The following PHACTR1 variants were observed in gnomAD, a reference collection of about 807,000 sequenced individuals.
PHACTR1 encodes the protein phosphatase and actin regulator 1.
In PHACTR1, 16 loss-of-function variants were observed where a neutral mutation model predicts 69.2. That is an observed-to-expected ratio of 0.23 (90% CI 0.16 to 0.35). PHACTR1 has a LOEUF of 0.35. Ranked by LOEUF, PHACTR1 falls within the 10% of genes least tolerant of loss-of-function variation. The pLI is 1.00. For synonymous variants in PHACTR1, 312 were observed against 284.5 expected (o/e 1.10, Z -0.97); for missense variants, 510 against 734.7 (o/e 0.69, Z 3.54).
At chr6:12,726,111 C>T (rs1291250579) in intron 3 of PHACTR1, among the ~76,000 whole-genome samples, 2 of 152,140 alleles carry the variant, frequency 1.3e-5, no homozygotes, top group African/African-American at 2.4e-5. Flanking sequence ...GTCATCAACT[C>T]TGCTGTATCT....
chr6:12,813,283 G>A (rs1353692859), intron 4 of PHACTR1, among the ~76,000 whole-genome samples: 2 of 152,210 alleles, frequency 1.3e-5, no homozygotes, highest in African/African-American at 4.8e-5. Flanking sequence ...CAAGTTCTGA[G>A]AGCCCTTTTA....
rs533929721 is a variant in PHACTR1 at position 13,275,198 on chromosome 6, C to T, written c.1447+2283C>T. The T allele has an allele frequency of 9.8e-5, 15 of 152,728 alleles. No individual in the cohort carries two copies. The highest frequency in any genetic ancestry group is 3.4e-4 in the African/African-American group (14 of 41,556). 9.5% of individuals were successfully genotyped at this position (152,728 alleles called of 1,614,324 possible). A position where few individuals can be genotyped will look rare whatever the true frequency, so the allele number is the denominator to read the frequency against. ...TGAGAGCCTTGGGTTGGTTTCCAGC[C>T]CCACCCTGCCTGGTCCTGGGAGCAG... On this transcript the variant is annotated intron_variant, in intron 11 of 14. Transcript: ENST00000332995. The surrounding 1 kb of genome is among the most constrained non-coding windows in gnomAD (Gnocchi z 4.0).
intron 4 of PHACTR1, among the ~76,000 whole-genome samples, chr6:12,976,231 G>A (rs866026711): frequency 3.9e-5 from 6 of 152,186 alleles, no homozygotes; most frequent in Admixed American, 1.3e-4. Flanking sequence ...GAGGTGGTGC[G>A]TGAGCAGCAT....
intron 10 of PHACTR1, among the ~76,000 whole-genome samples, chr6:13,238,595 A>G (rs1200968244): frequency 6.6e-6 from 1 of 152,186 alleles, no homozygotes; most frequent in Non-Finnish European, 1.5e-5. Flanking sequence ...ATTGAAATCC[A>G]TTTTTTATGC....
intron 4 of PHACTR1, among the ~76,000 whole-genome samples, chr6:12,874,076 T>G (rs1782315191): frequency 6.6e-6 from 1 of 152,240 alleles, no homozygotes. Context: ...AACTTTAATG[T>G]GCATACAAAT....
intron 3 of PHACTR1, among the ~76,000 whole-genome samples, chr6:12,720,248 C>G (rs139762148): frequency 6.6e-5 from 10 of 152,294 alleles, no homozygotes; most frequent in African/African-American, 2.2e-4. Context: ...TTGGTCCATT[C>G]GACTGGAATG....
At chr6:12,924,598 C>A (rs1257495949) in intron 4 of PHACTR1, among the ~76,000 whole-genome samples, 1 of 151,920 alleles carries the variant, frequency 6.6e-6, no homozygotes, top group African/African-American at 2.4e-5. Context: ...CATGGTGAAA[C>A]CTTGTCTCTA....
chr6:12,982,418 C>A (rs1193504316), intron 4 of PHACTR1, among the ~76,000 whole-genome samples: 1 of 152,230 alleles, frequency 6.6e-6, no homozygotes, highest in Non-Finnish European at 1.5e-5. Context: ...TGGTGGCTCA[C>A]GCCTGTAATC....
At chr6:12,940,823 G>A (rs936872594) in intron 4 of PHACTR1, among the ~76,000 whole-genome samples, 1 of 152,194 alleles carries the variant, frequency 6.6e-6, no homozygotes, top group Non-Finnish European at 1.5e-5. Context: ...CCCTTAATAT[G>A]TATCATTTGG....
intron 4 of PHACTR1, among the ~76,000 whole-genome samples, chr6:12,884,540 G>A (rs894034745): frequency 2.0e-5 from 3 of 151,768 alleles, no homozygotes; most frequent in African/African-American, 7.3e-5. Context: ...AGCTGGGACC[G>A]CAGGCGCCTG....
intron 5 of PHACTR1, among the ~76,000 whole-genome samples, chr6:13,126,648 G>A (rs997091484): frequency 2.0e-5 from 3 of 152,242 alleles, no homozygotes; most frequent in Non-Finnish European, 4.4e-5. Flanking sequence ...TATCCACCAT[G>A]TGTTAAGTGC....
intron 5 of PHACTR1, among the ~76,000 whole-genome samples, chr6:13,103,158 T>G (rs1213561483): frequency 6.6e-6 from 1 of 152,208 alleles, no homozygotes; most frequent in East Asian, 1.9e-4. Flanking sequence ...CAAAATGAAT[T>G]ACTTCGTCCT....
intron 4 of PHACTR1, among the ~76,000 whole-genome samples, chr6:12,756,365 C>A (rs1767321380): frequency 6.6e-6 from 1 of 152,034 alleles, no homozygotes; most frequent in Non-Finnish European, 1.5e-5. Context: ...CTTTCCTTAC[C>A]CACTTTGGTA....
intron 4 of PHACTR1, among the ~76,000 whole-genome samples, chr6:12,822,439 C>T (rs1776328026): frequency 6.6e-6 from 1 of 152,208 alleles, no homozygotes. Context: ...AGGGCTGGGG[C>T]CCAGCCAGGT....
At chr6:13,223,912 G>T (rs1340561264) in intron 8 of PHACTR1, among the ~76,000 whole-genome samples, 2 of 151,232 alleles carry the variant, frequency 1.3e-5, no homozygotes, top group East Asian at 1.9e-4. Context: ...TTTTGTCATT[G>T]CCATTGATAA....
At chr6:13,022,998 T>A (rs570808585) in intron 4 of PHACTR1, among the ~76,000 whole-genome samples, 59 of 152,018 alleles carry the variant, frequency 3.9e-4, no homozygotes, top group African/African-American at 1.4e-3. Context: ...GGCTGGGCCA[T>A]AGAGGGAGAT....
intron 4 of PHACTR1, among the ~76,000 whole-genome samples, chr6:12,900,996 G>T (rs1437871703): frequency 6.6e-6 from 1 of 152,146 alleles, no homozygotes. Flanking sequence ...ATCTGTAGGC[G>T]GCCCTGCTCT....
At chr6:13,104,260 A>G (rs1382567220) in intron 5 of PHACTR1, among the ~76,000 whole-genome samples, 1 of 152,194 alleles carries the variant, frequency 6.6e-6, no homozygotes, top group Non-Finnish European at 1.5e-5. Context: ...TCTCTTTCAT[A>G]AAAATATTTC....
chr6:12,916,401 C>A (rs954332732), intron 4 of PHACTR1, among the ~76,000 whole-genome samples: 2 of 152,182 alleles, frequency 1.3e-5, no homozygotes, highest in African/African-American at 4.8e-5. Context: ...CCTCAGATGT[C>A]AATTCTTATT....
Sources: allele counts gnomAD v4.1 joint callset (sites outside exome capture counted in the v4.1 genomes callset), GRCh38; gene constraint gnomAD v4.1.1; non-coding constraint Gnocchi (gnomAD v3.1); transcripts MANE v1.5; gene names NCBI Gene and HGNC (gene_info 2026-07-23, HGNC 2026-07-21).